TRIM38: variants seen among roughly 807,000 people sequenced by gnomAD.
TRIM38 encodes the protein E3 ubiquitin-protein ligase TRIM38.
TRIM38 carries 35 observed loss-of-function variants against 35.8 expected under a neutral mutation model. The ratio of observed to expected loss-of-function variants is 0.98; its 90% confidence interval spans 0.75 to 1.30. The LOEUF (loss-of-function observed/expected upper bound fraction) is 1.30, where lower values mean the gene tolerates loss of function less well. TRIM38 is among the 50% of genes most tolerant of loss of function. TRIM38 has a pLI of 0.00. For missense variants in TRIM38, 545 were observed against 556.9 expected (o/e 0.98, Z 0.21); for synonymous variants, 198 against 204.7 (o/e 0.97, Z 0.28).
chr6:25,975,684 G>C (rs751198532), intron 7 of TRIM38: 1 of 977,328 alleles, frequency 1.0e-6, no homozygotes, highest in Non-Finnish European at 1.2e-6. Context: ...TAGGTAGGGT[G>C]ATCTATATCT....
At chr6:25,975,269 C>T in intron 7 of TRIM38, 1 of 389,024 alleles carries the variant, frequency 2.6e-6, no homozygotes. Flanking sequence ...GCTTGCAGTG[C>T]CGCAATCTCA....
At chr6:25,979,146 A>C (rs1227600835) in intron 7 of TRIM38, among the ~76,000 whole-genome samples, 1 of 151,990 alleles carries the variant, frequency 6.6e-6, no homozygotes, top group Non-Finnish European at 1.5e-5. Flanking sequence ...TATATAATAC[A>C]TACACATATA....
At chr6:25,967,901 G>A (rs114038126) in intron 3 of TRIM38, among the ~76,000 whole-genome samples, 1 of 152,108 alleles carries the variant, frequency 6.6e-6, no homozygotes, top group South Asian at 2.1e-4. Context: ...AAAGGGAGGA[G>A]AGGGCAGATT....
At position 25,969,340 on chromosome 6, in the gene TRIM38, G is replaced by T; in HGVS notation, c.427G>T (p.Ala143Ser). Reference protein sequence around the residue: ...CQGYKEKLQKAVTKLKQLEDR... With the variant: ...CQGYKEKLQKSVTKLKQLEDR... Reference sequence around the variant, plus strand: ...TTTCCTTCAGGAAAAGCTCCAGAAAGCTGTGACAAAACTGAAGCAACTTGA... The same window carrying T: ...TTTCCTTCAGGAAAAGCTCCAGAAATCTGTGACAAAACTGAAGCAACTTGA... The change falls in exon 4 of 8, where the codon GCT (alanine) becomes TCT (serine). Residue 143 changes from alanine (A) to serine (S), a missense_variant. Coordinates refer to ENST00000357085, the MANE Select transcript of TRIM38 (RefSeq NM_006355.5). 6.2e-7 allele frequency: 1 copy of T among 1,612,756 alleles called. No individual in the cohort carries two copies. Among genetic ancestry groups the T allele is most frequent in the Non-Finnish European group, 8.5e-7 (1 of 1,179,374 alleles).
In TRIM38 at chr6:25,988,496, C is replaced by CTTTTCTTTCTTTTT. The variant is rs1760775647; in HGVS notation, c.*4813_*4814insCTTTCTTTTTTTTT. Reference sequence around the variant, plus strand: ...TTTCTTTTTCTTTTTTCTTTTCTTTCTTTTTTTTTTTTTTTTTGAGACAGA... The same window carrying CTTTTCTTTCTTTTT: ...TTTCTTTTTCTTTTTTCTTTTCTTTCTTTTCTTTCTTTTTTTTTTTTTTTTTTTTTTGAGACAGA... On this transcript the variant is annotated 3_prime_UTR_variant, in exon 8 of 8. Transcript: ENST00000357085. The CTTTTCTTTCTTTTT allele has an allele frequency of 1.6e-5, 1 of 63,054 alleles. No homozygotes were observed. The highest frequency in any genetic ancestry group is 2.7e-4 in the Admixed American group (1 of 3,714). 3.9% of individuals were successfully genotyped at this position (63,054 alleles called of 1,614,324 possible).
rs779161917 is a variant in TRIM38, at chr6:25,990,415, C to G, written c.*6728C>G. ...CCTTGACTGCCTAGGCTCAAGTCAT[C>G]CTCCCACCTCAGCCTCCAGAATGGC... On this transcript the variant is annotated 3_prime_UTR_variant, in exon 8 of 8. Transcript: ENST00000357085. 1 of 152,162 alleles carries G rather than the reference C, an allele frequency of 6.6e-6. No homozygotes were observed. Among genetic ancestry groups the G allele is most frequent in the African/African-American group, 2.4e-5 (1 of 41,418 alleles). The allele number at this position is 152,162 out of a possible 1,614,324, so 9.4% of individuals were successfully genotyped here. A position where few individuals can be genotyped will look rare whatever the true frequency, so the allele number is the denominator to read the frequency against.
intron 7 of TRIM38, among the ~76,000 whole-genome samples, chr6:25,977,176 T>A (rs1760419914): frequency 6.6e-6 from 1 of 152,244 alleles, no homozygotes. Context: ...CTGTGTCTTT[T>A]ATGTCCAAAG....
At chr6:25,973,342 C>T in intron 7 of TRIM38, 57 bp downstream of exon 7, 1 of 1,581,182 alleles carries the variant, frequency 6.3e-7, no homozygotes, top group Non-Finnish European at 8.6e-7. Context: ...TATGCAGTAA[C>T]CAAGTTTACC....
rs199757564 is a variant in TRIM38 at position 25,972,103 on chromosome 6, A to G, written c.738+4A>G. Reference sequence around the variant, plus strand: ...CTCAGCCCAGAAATTGCTGCAGGTGAGGCTGTGTACTTGGAGTAGGGAAAA... The same window carrying G: ...CTCAGCCCAGAAATTGCTGCAGGTGGGGCTGTGTACTTGGAGTAGGGAAAA... On this transcript the variant is annotated splice_donor_region_variant and intron_variant, in intron 5 of 7. Coordinates refer to ENST00000357085, the MANE Select transcript of TRIM38 (RefSeq NM_006355.5). 2.7e-4 allele frequency: 438 copies of G among 1,613,738 alleles called. No homozygotes were observed. The highest frequency in any genetic ancestry group is 8.0e-4 in the Admixed American group (48 of 59,992).
At chr6:25,973,925 A>G in intron 7 of TRIM38, 7 of 958,462 alleles carry the variant, frequency 7.3e-6, no homozygotes, top group Non-Finnish European at 8.7e-6. Context: ...TACAAAATCA[A>G]AAAAACCCCT....
At chr6:25,969,500 A>G (rs1760163341) in intron 4 of TRIM38, 80 bp downstream of exon 4, 2 of 1,183,920 alleles carry the variant, frequency 1.7e-6, no homozygotes. Flanking sequence ...GAAAAGCACA[A>G]TGAGGATTTA....
intron 7 of TRIM38, among the ~76,000 whole-genome samples, chr6:25,976,096 A>G (rs770946939): frequency 6.6e-6 from 1 of 152,186 alleles, no homozygotes; most frequent in Non-Finnish European, 1.5e-5. Context: ...CTTGTTTTAT[A>G]TCACAGTCCT....
intron 7 of TRIM38, among the ~76,000 whole-genome samples, chr6:25,980,622 T>A (rs1230379193): frequency 6.6e-6 from 1 of 152,188 alleles, no homozygotes; most frequent in African/African-American, 2.4e-5. Context: ...GGTTTTGCCA[T>A]GTTGGGCAGG....
intron 4 of TRIM38, among the ~76,000 whole-genome samples, chr6:25,969,840 T>C (rs548018796): frequency 2.6e-4 from 39 of 152,290 alleles, no homozygotes; most frequent in Non-Finnish European, 4.9e-4. Flanking sequence ...TTGTGAACAC[T>C]TAGAAAACAG....
rs1554143705 is a variant in TRIM38, at chr6:25,987,214, C to CCCCCCG, written c.*3529_*3530insCCCGCC. ...TAACAAAGGTACTCCCCGCCCCCCG[C>CCCCCCG]CCGCCACACACCATCCCCAAAAGGA... On this transcript the variant is annotated 3_prime_UTR_variant, in exon 8 of 8. Transcript: ENST00000357085. The CCCCCCG allele has an allele frequency of 2.0e-5, 1 of 50,778 alleles. No individual in the cohort carries two copies. The highest frequency in any genetic ancestry group is 4.6e-5 in the African/African-American group (1 of 21,620). The allele number at this position is 50,778 out of a possible 1,614,324, so 3.1% of individuals were successfully genotyped here.
rs1318648426 is a variant in TRIM38 at position 25,987,991 on chromosome 6, C to T, written c.*4304C>T. 1.3e-5 allele frequency: 2 copies of T among 152,134 alleles called. No individual in the cohort carries two copies. Among genetic ancestry groups the T allele is most frequent in the Non-Finnish European group, 2.9e-5 (2 of 68,030 alleles). 9.4% of individuals were successfully genotyped at this position (152,134 alleles called of 1,614,324 possible). Reference sequence around the variant, plus strand: ...TACTCCGGACCAGATTGAAGACTAGCCGAAACAGGGACGAGGTTAAAGCAC... The same window carrying T: ...TACTCCGGACCAGATTGAAGACTAGTCGAAACAGGGACGAGGTTAAAGCAC... On this transcript the variant is annotated 3_prime_UTR_variant, in exon 8 of 8. Coordinates refer to ENST00000357085, the MANE Select transcript of TRIM38 (RefSeq NM_006355.5).
At chr6:25,969,057 C>T (rs1223891109) in intron 3 of TRIM38, among the ~76,000 whole-genome samples, 2 of 152,180 alleles carry the variant, frequency 1.3e-5, no homozygotes, top group African/African-American at 4.8e-5. Flanking sequence ...CAGTCATAGC[C>T]CTTTGGGCAA....
intron 2 of TRIM38, among the ~76,000 whole-genome samples, chr6:25,963,491 C>T (rs1759916274): frequency 1.3e-5 from 2 of 152,138 alleles, no homozygotes; most frequent in Middle Eastern, 3.4e-3. Context: ...TCCCTGGCCT[C>T]CCCCATCTTC....
In TRIM38 at chr6:25,989,507, A is replaced by ATTTTTTTTTTTTTTTTT. The variant is rs1254792103; in HGVS notation, c.*5822_*5823insTTTTTTTTTTTTTTTTT. The stretch of plus-strand genomic sequence containing the variant: ...TTTGCTATTGTTAGCAAGGTCTTGT[A>ATTTTTTTTTTTTTTTTT]TTCTTTTTTTTTTTTTTTTTTTTTT... On this transcript the variant is annotated 3_prime_UTR_variant, in exon 8 of 8. Transcript: ENST00000357085. 1 of 109,938 alleles carries ATTTTTTTTTTTTTTTTT rather than the reference A, an allele frequency of 9.1e-6. No homozygotes were observed. The highest frequency in any genetic ancestry group is 3.3e-5 in the African/African-American group (1 of 29,936). The allele number at this position is 109,938 out of a possible 1,614,324, so 6.8% of individuals were successfully genotyped here.
Sources: gnomAD v4.1 joint callset for allele counts (sites outside exome capture counted in the v4.1 genomes callset) on GRCh38, gnomAD v4.1.1 for gene constraint, MANE v1.5 for transcripts, NCBI Gene and HGNC (gene_info 2026-07-23, HGNC 2026-07-21) for gene names.